Variants in ADK observed in about 807,000 individuals in gnomAD.
ADK encodes adenosine kinase.
ADK carries 24 observed loss-of-function variants against 44.7 expected under a neutral mutation model. That is an observed-to-expected ratio of 0.54 (90% CI 0.39 to 0.76). ADK has a LOEUF of 0.76. Among genes scored for constraint, ADK ranks in the 30% least tolerant of loss-of-function variants. The pLI is 0.00. For missense variants in ADK, 321 were observed against 425.1 expected, an observed-to-expected ratio of 0.76 and a Z score of 2.15; for synonymous variants, 128 against 142.6, an observed-to-expected ratio of 0.90 and a Z score of 0.73.
intron 2 of ADK, among the ~76,000 whole-genome samples, chr10:74,221,205 A>C (rs1455348246): frequency 6.6e-6 from 1 of 151,888 alleles, no homozygotes; most frequent in East Asian, 1.9e-4. Flanking sequence ...CAAAAATCAC[A>C]AGCATTTTTA....
chr10:74,376,777 C>CT (rs35675013), intron 4 of ADK, among the ~76,000 whole-genome samples: 21,621 of 135,246 alleles, frequency 0.16, 1,995 homozygotes, highest in African/African-American at 0.26. Context: ...TCTCTCTCGT[C>CT]TTTTTTTTTT....
At chr10:74,505,291 G>C (rs1022676765) in intron 6 of ADK, among the ~76,000 whole-genome samples, 1 of 152,158 alleles carries the variant, frequency 6.6e-6, no homozygotes, top group Non-Finnish European at 1.5e-5. Flanking sequence ...TGTTGTAAAA[G>C]AAGTCAAAAG....
intron 10 of ADK, among the ~76,000 whole-genome samples, chr10:74,677,164 G>A (rs937503851): frequency 6.6e-6 from 1 of 152,222 alleles, no homozygotes; most frequent in Non-Finnish European, 1.5e-5. Flanking sequence ...AGGATTGCTG[G>A]AGCCTGGGAG....
At chr10:74,227,231 C>T (rs1221777313) in intron 3 of ADK, among the ~76,000 whole-genome samples, 1 of 152,130 alleles carries the variant, frequency 6.6e-6, no homozygotes, top group Non-Finnish European at 1.5e-5. Flanking sequence ...TCAGTAATTC[C>T]ATGCTTTATT....
At chr10:74,447,693 C>T (rs938527429) in intron 6 of ADK, among the ~76,000 whole-genome samples, 2 of 152,232 alleles carry the variant, frequency 1.3e-5, no homozygotes, top group African/African-American at 4.8e-5. Flanking sequence ...TTAGTTTTCT[C>T]ATCTGTAAAA....
chr10:74,347,149 C>T (rs1269060335), intron 4 of ADK, among the ~76,000 whole-genome samples: 6 of 133,040 alleles, frequency 4.5e-5, no homozygotes, highest in African/African-American at 1.9e-4. Context: ...AAAAGATGGC[C>T]GAATAGGAAG....
chr10:74,683,943 C>T (rs1323489788), intron 10 of ADK, among the ~76,000 whole-genome samples: 1 of 152,212 alleles, frequency 6.6e-6, no homozygotes, highest in Non-Finnish European at 1.5e-5. Flanking sequence ...GTTACCACAG[C>T]TTCAAGTAGC....
chr10:74,547,691 C>T (rs1398565895), intron 7 of ADK, among the ~76,000 whole-genome samples: 4 of 151,076 alleles, frequency 2.6e-5, no homozygotes, highest in Non-Finnish European at 5.9e-5. Context: ...GAGTTTTGCT[C>T]TTGTTACCCA....
chr10:74,262,883 A>G (rs1289184465), intron 3 of ADK, among the ~76,000 whole-genome samples: 1 of 152,220 alleles, frequency 6.6e-6, no homozygotes, highest in East Asian at 1.9e-4. Flanking sequence ...TTTCATGAAT[A>G]CATTTACTAG....
chr10:74,568,897 G>A (rs1263318454), intron 7 of ADK, among the ~76,000 whole-genome samples: 2 of 151,716 alleles, frequency 1.3e-5, no homozygotes, highest in Non-Finnish European at 2.9e-5. Context: ...TTTAACATTA[G>A]GTATATCTCC....
chr10:74,178,485 G>T (rs1842426149), intron 1 of ADK, among the ~76,000 whole-genome samples: 2 of 152,112 alleles, frequency 1.3e-5, no homozygotes, highest in Non-Finnish European at 2.9e-5. Flanking sequence ...TACTAATTAG[G>T]TGTAGGGGTC....
chr10:74,252,695 G>C (rs767006338), intron 3 of ADK, among the ~76,000 whole-genome samples: 3 of 152,196 alleles, frequency 2.0e-5, no homozygotes, highest in Non-Finnish European at 2.9e-5. Context: ...ATTAGGTTAG[G>C]AAATAGAAAT....
chr10:74,531,442 A>C (rs1288715416), intron 7 of ADK, among the ~76,000 whole-genome samples: 1 of 152,244 alleles, frequency 6.6e-6, no homozygotes, highest in Admixed American at 6.5e-5. Flanking sequence ...AAGTCTGTTT[A>C]GATTATTAAA....
At chr10:74,654,737 G>A (rs1190774132) in intron 9 of ADK, among the ~76,000 whole-genome samples, 5 of 151,996 alleles carry the variant, frequency 3.3e-5, no homozygotes, top group Admixed American at 6.6e-5. Context: ...GCTTGAACCC[G>A]GGAGGCAGAG....
intron 6 of ADK, among the ~76,000 whole-genome samples, chr10:74,450,405 T>C (rs1246421788): frequency 6.6e-6 from 1 of 152,226 alleles, no homozygotes; most frequent in Non-Finnish European, 1.5e-5. Context: ...CACTAGATTG[T>C]AAACTCTTTG....
intron 3 of ADK, among the ~76,000 whole-genome samples, chr10:74,311,226 C>G (rs768810283): frequency 6.6e-6 from 1 of 152,106 alleles, no homozygotes; most frequent in Non-Finnish European, 1.5e-5. Context: ...ATTAGCACTT[C>G]TCATTTGAAA....
intron 7 of ADK, among the ~76,000 whole-genome samples, chr10:74,528,483 T>C (rs1490748273): frequency 1.4e-5 from 2 of 146,890 alleles, no homozygotes; most frequent in Non-Finnish European, 3.0e-5. Flanking sequence ...AAAAAAAGAC[T>C]CCAAAGTACA....
chr10:74,582,684 A>G (rs1437553894), intron 7 of ADK, among the ~76,000 whole-genome samples: 3 of 152,082 alleles, frequency 2.0e-5, no homozygotes, highest in East Asian at 1.9e-4. Context: ...TATAATTTAT[A>G]TACTGTTTAT....
At chr10:74,392,642 A>T (rs191117405) in intron 4 of ADK, among the ~76,000 whole-genome samples, 11 of 152,254 alleles carry the variant, frequency 7.2e-5, no homozygotes, top group Non-Finnish European at 1.5e-5. Context: ...TAAGCTTGAT[A>T]TAATCACATT....
Sources: gnomAD v4.1 joint callset for allele counts (sites outside exome capture counted in the v4.1 genomes callset) on GRCh38, gnomAD v4.1.1 for gene constraint, MANE v1.5 for transcripts, NCBI Gene and HGNC (gene_info 2026-07-23, HGNC 2026-07-21) for gene names.